The following PRELID3B variants were observed in gnomAD, a reference collection of about 807,000 sequenced individuals.
The protein encoded by PRELID3B is PRELI domain containing protein 3B.
A neutral mutation model predicts 24.0 loss-of-function variants in PRELID3B; 15 were observed. The ratio of observed to expected loss-of-function variants is 0.63; its 90% CI spans 0.42 to 0.96. The LOEUF is 0.96. Ranked by LOEUF, PRELID3B falls within the 40% of genes least tolerant of loss-of-function variation. The pLI, the probability that PRELID3B is intolerant of heterozygous loss-of-function variation, is 0.00. For synonymous variants in PRELID3B, 62 were observed against 76.0 expected (o/e 0.82, Z 0.96); for missense variants, 189 against 236.0 (o/e 0.80, Z 1.30).
chr20:59,042,469 C>G (rs1043919361), intron 1 of PRELID3B, among the ~76,000 whole-genome samples: 3 of 152,210 alleles, frequency 2.0e-5, no homozygotes, highest in African/African-American at 7.2e-5. Flanking sequence ...GTAGCCCTGC[C>G]GGTCGCAAGG....
chr20:59,042,499 G>C (rs1266130068), intron 1 of PRELID3B, among the ~76,000 whole-genome samples, 200 bp downstream of exon 1: 1 of 152,192 alleles, frequency 6.6e-6, no homozygotes, highest in Non-Finnish European at 1.5e-5. Context: ...TCTGGAGGTC[G>C]GAGCCGTCCC....
Position 59,038,652 on chromosome 20 carries a change from A to C in PRELID3B, c.33-18T>G. 1 of 535,170 alleles carries C rather than the reference A, an allele frequency of 1.9e-6. No individual in the cohort carries two copies. The highest frequency in any genetic ancestry group is 3.9e-5 in the South Asian group (1 of 25,452). The allele number at this position is 535,170 out of a possible 1,614,324, so 33.2% of individuals were successfully genotyped here. A position where few individuals can be genotyped will look rare whatever the true frequency, so the allele number is the denominator to read the frequency against. ...ACGGGTGGCTGCCGATGTGAACCAA[A>C]AAAAAAAAAAAAAAAATTCAGACAT... On this transcript the variant is annotated intron_variant, in intron 1 of 5. Transcript: ENST00000355937.
At chr20:59,037,005 A>C (rs2092077971) in intron 3 of PRELID3B, among the ~76,000 whole-genome samples, 186 bp downstream of exon 3, 1 of 152,224 alleles carries the variant, frequency 6.6e-6, no homozygotes, top group Non-Finnish European at 1.5e-5. Flanking sequence ...ATCCCCTTAG[A>C]GATAGGCAAG....
rs1411651444 is a variant in PRELID3B, at chr20:59,033,509, C to A, written c.*1498G>T. On this transcript the variant is annotated 3_prime_UTR_variant, in exon 6 of 6. Coordinates refer to ENST00000355937, the MANE Select transcript of PRELID3B (RefSeq NM_016045.3). ...GTTATTTCACTTGTAAAAACTATCTCCGGTTACAAAAAAAAATCAGAAACC... is the reference window on the plus strand; with the variant it reads ...GTTATTTCACTTGTAAAAACTATCTACGGTTACAAAAAAAAATCAGAAACC... 1.3e-5 allele frequency: 2 copies of A among 152,066 alleles called. No individual in the cohort carries two copies. The highest frequency in any genetic ancestry group is 2.9e-5 in the Non-Finnish European group (2 of 68,000). The allele number at this position is 152,066 out of a possible 1,614,324, so 9.4% of individuals were successfully genotyped here.
intron 1 of PRELID3B, 90 bp from the exon 2 acceptor site, chr20:59,038,724 C>T (rs558475744): frequency 1.4e-6 from 2 of 1,426,264 alleles, no homozygotes; most frequent in Non-Finnish European, 1.9e-6. Flanking sequence ...TCTATCAAAT[C>T]ATTCATTACA....
Position 59,033,210 on chromosome 20 carries a change from G to A in PRELID3B, c.*1797C>T, listed in dbSNP as rs747114761. The A allele has an allele frequency of 1.3e-5, 2 of 152,060 alleles. No individual in the cohort carries two copies. Among genetic ancestry groups the A allele is most frequent in the African/African-American group, 2.4e-5 (1 of 41,394 alleles). 9.4% of individuals were successfully genotyped at this position (152,060 alleles called of 1,614,324 possible). Reference sequence around the variant, plus strand: ...ATTCACATTTCAACTTTATTAAATAGTCCAAGGGTTTCATTTATGAACACT... The same window carrying A: ...ATTCACATTTCAACTTTATTAAATAATCCAAGGGTTTCATTTATGAACACT... On this transcript the variant is annotated 3_prime_UTR_variant, in exon 6 of 6. Coordinates refer to ENST00000355937, the MANE Select transcript of PRELID3B (RefSeq NM_016045.3).
chr20:59,042,681 C>G lies in PRELID3B; in HGVS notation c.32+18G>C. On this transcript the variant is annotated intron_variant, in intron 1 of 5. Transcript: ENST00000355937. Reference sequence around the variant, plus strand: ...GCGTGCCTGCCCTCCACGGAGCCGACCCGCGCCCCAAACTTACTCAAAGAC... The same window carrying G: ...GCGTGCCTGCCCTCCACGGAGCCGAGCCGCGCCCCAAACTTACTCAAAGAC... 1 of 1,583,624 alleles carries G rather than the reference C, an allele frequency of 6.3e-7. No individual in the cohort carries two copies. The highest frequency in any genetic ancestry group is 2.3e-5 in the East Asian group (1 of 43,842).
At position 59,033,868 on chromosome 20, in the gene PRELID3B, G is replaced by C. The variant is rs1025882113; in HGVS notation, c.*1139C>G. The C allele has an allele frequency of 6.6e-6, 1 of 152,146 alleles. No individual in the cohort carries two copies. Among genetic ancestry groups the C allele is most frequent in the African/African-American group, 2.4e-5 (1 of 41,426 alleles). 9.4% of individuals were successfully genotyped at this position (152,146 alleles called of 1,614,324 possible). On this transcript the variant is annotated 3_prime_UTR_variant, in exon 6 of 6. Coordinates refer to ENST00000355937, the MANE Select transcript of PRELID3B (RefSeq NM_016045.3). ...TTTTTCAGTTTGCAGCTGCCCTCTT[G>C]ACATCCCAAATAAGGAATTCCCGTT...
chr20:59,036,969 A>G (rs2092077566), intron 3 of PRELID3B, among the ~76,000 whole-genome samples: 1 of 152,218 alleles, frequency 6.6e-6, no homozygotes, highest in Non-Finnish European at 1.5e-5. Context: ...AATACACATA[A>G]TCCCAAACTC....
In PRELID3B at chr20:59,034,889, T is replaced by TAAA; in HGVS notation, c.*117_*118insTTT. The TAAA allele has an allele frequency of 3.7e-6, 2 of 545,186 alleles. No individual in the cohort carries two copies. The highest frequency in any genetic ancestry group is 3.9e-5 in the South Asian group (1 of 25,884). The allele number at this position is 545,186 out of a possible 1,614,324, so 33.8% of individuals were successfully genotyped here. A position where few individuals can be genotyped will look rare whatever the true frequency, so the allele number is the denominator to read the frequency against. On this transcript the variant is annotated 3_prime_UTR_variant, in exon 6 of 6. Coordinates refer to ENST00000355937, the MANE Select transcript of PRELID3B (RefSeq NM_016045.3). The stretch of plus-strand genomic sequence containing the variant: ...AGTCACATAGCCTTACACCAACTTA[T>TAAA]CAAAAAAAAAAAAAAAAAAACTACC...
At position 59,035,098 on chromosome 20, in the gene PRELID3B, T is replaced by C. The variant is rs1463001654; in HGVS notation, c.494A>G (p.His165Arg). 6.2e-7 allele frequency: 1 copy of C among 1,613,570 alleles called. No individual in the cohort carries two copies. The highest frequency in any genetic ancestry group is 1.3e-5 in the African/African-American group (1 of 75,004). Residue 165 changes from histidine to arginine, a missense_variant, in exon 6 of 6, where the codon CAT becomes CGT. His to Arg is a conservative substitution (Grantham distance 29). Transcript: ENST00000355937. ...TTCTTCAATCTCAGCATTTAATTTA[T>C]GTATTACCCATTCCATTGCTTCTCG... ...KGREAMEWVI[H>R]KLNAEIEELT...
At chr20:59,037,055 C>G in intron 3 of PRELID3B, 136 bp downstream of exon 3, 1 of 698,930 alleles carries the variant, frequency 1.4e-6, no homozygotes, top group Non-Finnish European at 2.5e-6. Flanking sequence ...ACATCCAGGG[C>G]CAAGTTAGGC....
At position 59,037,200 on chromosome 20, in the gene PRELID3B, T is replaced by C. The variant is rs2092079586; in HGVS notation, c.282A>G (p.Lys94=). The C allele has an allele frequency of 2.5e-6, 4 of 1,609,032 alleles. No homozygotes were observed. Among genetic ancestry groups the C allele is most frequent in the Non-Finnish European group, 3.4e-6 (4 of 1,175,628 alleles). ...VDPVEKTMEL[K]STNISFTNMV... is the part of the protein sequence containing the mutation. ...GGGAGCCAAGACTTACATTAGTAGA[T>C]TTAAGTTCCATTGTTTTCTCTACAG... is the stretch of plus-strand genomic sequence containing the variant. Residue 94 remains lysine (K), a synonymous_variant, in exon 3 of 6, where the codon AAA becomes AAG. Transcript: ENST00000355937.
intron 4 of PRELID3B, 54 bp downstream of exon 4, chr20:59,036,636 A>G: frequency 6.3e-7 from 1 of 1,582,844 alleles, no homozygotes; most frequent in African/African-American, 1.4e-5. Flanking sequence ...AAAACTTGAT[A>G]AAAAAACCTT....
chr20:59,036,560 G>A lies in PRELID3B; in HGVS notation c.376C>T (p.Gln126Ter). 6.2e-7 allele frequency: 1 copy of A among 1,614,010 alleles called. No individual in the cohort carries two copies. ...PQDPEKTVLT[Q>*]EAIITVKGVS... ...CCTTTCACGGTAATTATGGCTTCTT[G>A]TGTCAAAACAGTTCTGGAACAAAAC... Residue 126 changes from glutamine (Q) to a stop codon, truncating the protein, a stop_gained, in exon 5 of 6, where the codon CAA becomes TAA. Transcript: ENST00000355937. LOFTEE classifies it high-confidence loss of function.
chr20:59,037,758 G>A (rs1434770452), intron 2 of PRELID3B, among the ~76,000 whole-genome samples: 1 of 152,196 alleles, frequency 6.6e-6, no homozygotes, highest in Non-Finnish European at 1.5e-5. Context: ...GTCACTCCCT[G>A]TGCTATGACC....
At position 59,033,822 on chromosome 20, in the gene PRELID3B, C is replaced by CA. The variant is rs2092051074; in HGVS notation, c.*1184dup. On this transcript the variant is annotated 3_prime_UTR_variant, in exon 6 of 6. Transcript: ENST00000355937. ...TAATTGCCTGCTACAATACATAAAA[C>CA]AAAGTACATTTACTGGATTGTTTTT... 1 of 152,150 alleles carries CA rather than the reference C, an allele frequency of 6.6e-6. No individual in the cohort carries two copies. Among genetic ancestry groups the CA allele is most frequent in the Non-Finnish European group, 1.5e-5 (1 of 68,018 alleles). The allele number at this position is 152,150 out of a possible 1,614,324, so 9.4% of individuals were successfully genotyped here.
At chr20:59,041,934 G>A (rs1244990233) in intron 1 of PRELID3B, among the ~76,000 whole-genome samples, 1 of 152,162 alleles carries the variant, frequency 6.6e-6, no homozygotes, top group Non-Finnish European at 1.5e-5. Context: ...TGGAATCAGG[G>A]ACCTAGAAGA....
intron 5 of PRELID3B, 67 bp downstream of exon 5, chr20:59,036,404 G>A: frequency 8.1e-7 from 1 of 1,236,952 alleles, no homozygotes; most frequent in East Asian, 2.3e-5. Flanking sequence ...CACACATGCA[G>A]TCAGCACCCC....
Sources: gnomAD v4.1 joint callset for allele counts (sites outside exome capture counted in the v4.1 genomes callset) on GRCh38, gnomAD v4.1.1 for gene constraint, MANE v1.5 for transcripts, NCBI Gene and HGNC (gene_info 2026-07-23, HGNC 2026-07-21) for gene names.